Variants in KDM5B observed in about 807,000 individuals in gnomAD.
The protein encoded by KDM5B is lysine-specific demethylase 5B.
In KDM5B, 144 loss-of-function variants were observed where a neutral mutation model predicts 193.4. The observed-to-expected ratio is 0.74, with a 90% CI of 0.65 to 0.86. KDM5B has a LOEUF of 0.86. Ranked by LOEUF, KDM5B falls within the 40% of genes least tolerant of loss-of-function variation. The pLI is 0.00. For missense variants in KDM5B, 1,833 were observed against 1,886.9 expected (o/e 0.97, Z 0.53); for synonymous variants, 668 against 682.6 (o/e 0.98, Z 0.33).
intron 7 of KDM5B, among the ~76,000 whole-genome samples, chr1:202,762,160 T>C (rs1173936965): frequency 2.6e-5 from 4 of 152,340 alleles, no homozygotes; most frequent in African/African-American, 4.8e-5. Flanking sequence ...AACTCTGCCA[T>C]GTCCTCTTCC....
In KDM5B at chr1:202,764,092, AT is replaced by A; in HGVS notation, c.764del (p.Asn255IlefsTer2). On this transcript the variant is annotated frameshift_variant, in exon 6 of 27. Coordinates refer to ENST00000367265, the MANE Select transcript of KDM5B (RefSeq NM_006618.5). LOFTEE classifies it high-confidence loss of function. ...TTGGACAACCCATTCGACGTCTCAG[AT>A]TATGAGTTCTGGCTTCCGTTGTCTC... ...PEETTEARTHNLRRRMGCPTP... is the reference protein window; with the variant it reads ...PEETTEARTHXLRRRMGCPTP... The A allele has an allele frequency of 6.3e-7, 1 of 1,589,802 alleles. No individual in the cohort carries two copies. The highest frequency in any genetic ancestry group is 8.5e-7 in the Non-Finnish European group (1 of 1,170,368).
At chr1:202,774,476 C>A in intron 3 of KDM5B, 137 bp downstream of exon 3, 2 of 740,348 alleles carry the variant, frequency 2.7e-6, no homozygotes, top group East Asian at 2.7e-5. Flanking sequence ...AATCCTCCTC[C>A]CTTGACCTCC....
chr1:202,797,361 A>G lies in KDM5B; in HGVS notation c.204+10741T>C, dbSNP rs1012126650. On this transcript the variant is annotated intron_variant, in intron 1 of 26. Transcript: ENST00000367265. ...CAAATCTGCTATCTGCCCCTCCCCTATGTTTCCCTCTGTGCTTGCTGTAGC... is the reference window on the plus strand; with the variant it reads ...CAAATCTGCTATCTGCCCCTCCCCTGTGTTTCCCTCTGTGCTTGCTGTAGC... 6.6e-5 allele frequency among the ~76,000 whole-genome samples: 10 copies of G among 152,118 alleles called. No homozygotes were observed. The East Asian group carries it at 1.7e-3, about 26-fold the overall frequency.
At chr1:202,736,643 G>GC (rs1372873013) in intron 20 of KDM5B, among the ~76,000 whole-genome samples, 1 of 147,920 alleles carries the variant, frequency 6.8e-6, no homozygotes, top group Non-Finnish European at 1.5e-5. Flanking sequence ...TGGTAGTGTT[G>GC]TTTTTTTTTT....
At chr1:202,741,801 T>G in intron 18 of KDM5B, 79 bp from the exon 19 acceptor site, 1 of 772,258 alleles carries the variant, frequency 1.3e-6, no homozygotes, top group Non-Finnish European at 2.1e-6. Flanking sequence ...AATCTTAAAT[T>G]CATATTCAAT....
chr1:202,799,472 G>A (rs980785003), intron 1 of KDM5B, among the ~76,000 whole-genome samples: 1 of 152,070 alleles, frequency 6.6e-6, no homozygotes, highest in African/African-American at 2.4e-5. Context: ...TGACCAAGAT[G>A]GAGAAACCCC....
At chr1:202,778,983 G>A (rs1657080708) in intron 1 of KDM5B, among the ~76,000 whole-genome samples, 1 of 152,046 alleles carries the variant, frequency 6.6e-6, no homozygotes, top group Non-Finnish European at 1.5e-5. Context: ...TCGGGGGGCG[G>A]AACAGGCTTT....
rs962203609 is a variant in KDM5B at position 202,741,517 on chromosome 1, G to C, written c.2795C>G (p.Ser932Cys). The C allele has an allele frequency of 5.5e-5, 89 of 1,614,098 alleles. No individual in the cohort carries two copies. The highest frequency in any genetic ancestry group is 7.2e-5 in the Non-Finnish European group (85 of 1,180,048). The change falls in exon 19 of 27, where the codon TCC becomes TGC. Residue 932 changes from serine to cysteine, a missense_variant. Physicochemically the swap from Ser to Cys is moderately radical, Grantham distance 112 (BLOSUM62 -1). Transcript: ENST00000367265. The stretch of plus-strand genomic sequence containing the variant: ...ACGTCTCATATCATCTAAAGTAAGG[G>C]AGCTGGGGTCTAGGCAAGCTTGCTG... ...EVQQACLDPS[S>C]LTLDDMRRLI...
rs1558509353 is a variant in KDM5B, at chr1:202,779,247, G to A, written c.205-2153C>T. Among the ~76,000 whole-genome samples, 3 of 151,996 alleles carry A rather than the reference G, an allele frequency of 2.0e-5. No homozygotes were observed. In the South Asian group the frequency reaches 6.2e-4, roughly 31 times the overall value. On this transcript the variant is annotated intron_variant, in intron 1 of 26. Coordinates refer to ENST00000367265, the MANE Select transcript of KDM5B (RefSeq NM_006618.5). ...AAGAGAACAATTCAACCGGCCAGGC[G>A]CGGTGACTCACGCCTGTAATCACAT...
chr1:202,774,590 TAA>T (rs1318279289), intron 3 of KDM5B, 21 bp downstream of exon 3: 1 of 1,590,398 alleles, frequency 6.3e-7, no homozygotes, highest in East Asian at 2.2e-5. Context: ...ATAAAATAAG[TAA>T]GATGGTCATT....
At chr1:202,775,016 C>A (rs555350123) in intron 2 of KDM5B, among the ~76,000 whole-genome samples, 1 of 150,206 alleles carries the variant, frequency 6.7e-6, no homozygotes, top group South Asian at 2.1e-4. Flanking sequence ...CTGAGGCGAG[C>A]GAATCACAAG....
intron 20 of KDM5B, among the ~76,000 whole-genome samples, chr1:202,737,451 T>C (rs1285313243): frequency 6.6e-6 from 1 of 152,148 alleles, no homozygotes; most frequent in Non-Finnish European, 1.5e-5. Flanking sequence ...ACTAGGAGAG[T>C]AAAAGCATTA....
rs1657289241 is a variant in KDM5B at position 202,783,675 on chromosome 1, A to T, written c.205-6581T>A. On this transcript the variant is annotated intron_variant, in intron 1 of 26. Coordinates refer to ENST00000367265, the MANE Select transcript of KDM5B (RefSeq NM_006618.5). Reference sequence around the variant, plus strand: ...GGCGGATCATGAGGTCAGGAGATCAAGACCATCCTGGCTAACACGGTGAAA... The same window carrying T: ...GGCGGATCATGAGGTCAGGAGATCATGACCATCCTGGCTAACACGGTGAAA... 2.6e-5 allele frequency among the ~76,000 whole-genome samples: 4 copies of T among 152,292 alleles called. 1 individual carries two copies. Among genetic ancestry groups the T allele is most frequent in the African/African-American group, 9.6e-5 (4 of 41,566 alleles).
Position 202,762,762 on chromosome 1 carries a change from T to G in KDM5B, c.855A>C (p.Lys285Asn), listed in dbSNP as rs768937644. The change falls in exon 7 of 27, where the codon AAA becomes AAC. Residue 285 changes from lysine (K) to asparagine (N), a missense_variant. Physicochemically the swap from Lys to Asn is moderately conservative, Grantham distance 94. Transcript: ENST00000367265. ...CCTTCTCATTTTCTACAATATAATC[T>G]TTCCTCTCAATAGGTTCTTGCTTGA... is the stretch of plus-strand genomic sequence containing the variant. ...SSIKQEPIER[K>N]DYIVENEKEK... 4 of 1,612,522 alleles carry G rather than the reference T, an allele frequency of 2.5e-6. No homozygotes were observed. The highest frequency in any genetic ancestry group is 3.4e-6 in the Non-Finnish European group (4 of 1,178,570).
chr1:202,747,874 C>A (rs966941691), intron 14 of KDM5B, among the ~76,000 whole-genome samples: 1 of 151,856 alleles, frequency 6.6e-6, no homozygotes, highest in Non-Finnish European at 1.5e-5. Context: ...CAGTCTCAAT[C>A]AAAATTCCAA....
intron 1 of KDM5B, among the ~76,000 whole-genome samples, chr1:202,778,092 T>C (rs1215022717): frequency 6.6e-6 from 1 of 151,626 alleles, no homozygotes; most frequent in Non-Finnish European, 1.5e-5. Context: ...GGAGAATCGC[T>C]GGAACACAAG....
At chr1:202,758,011 A>G (rs1364588119) in intron 9 of KDM5B, among the ~76,000 whole-genome samples, 1 of 152,252 alleles carries the variant, frequency 6.6e-6, no homozygotes, top group East Asian at 1.9e-4. Context: ...ACTTATGATT[A>G]CATAACAATA....
At chr1:202,782,048 A>G (rs1657219603) in intron 1 of KDM5B, among the ~76,000 whole-genome samples, 1 of 152,174 alleles carries the variant, frequency 6.6e-6, no homozygotes, top group Non-Finnish European at 1.5e-5. Context: ...ATGAATCCTG[A>G]AAATGATTCA....
intron 14 of KDM5B, among the ~76,000 whole-genome samples, chr1:202,748,057 T>C (rs995732912): frequency 6.6e-6 from 1 of 152,164 alleles, no homozygotes; most frequent in Non-Finnish European, 1.5e-5. Flanking sequence ...AGCAATAGAA[T>C]AGATGCATAG....
Sources: allele counts gnomAD v4.1 joint callset (sites outside exome capture counted in the v4.1 genomes callset), GRCh38; gene constraint gnomAD v4.1.1; transcripts MANE v1.5; gene names NCBI Gene and HGNC (gene_info 2026-07-23, HGNC 2026-07-21).